UBE3C: variants seen among roughly 807,000 people sequenced by gnomAD.
The protein encoded by UBE3C is ubiquitin-protein ligase E3C.
A neutral mutation model predicts 129.4 loss-of-function variants in UBE3C; 42 were observed. The observed-to-expected ratio is 0.32, with a 90% CI of 0.25 to 0.42. The LOEUF is 0.42. Ranked by LOEUF, UBE3C falls within the 10% of genes least tolerant of loss-of-function variation. The pLI is 1.00. For synonymous variants in UBE3C, 510 were observed against 492.4 expected (o/e 1.04, Z -0.47); for missense variants, 1,049 against 1,319.1 (o/e 0.80, Z 3.17).
intron 10 of UBE3C, among the ~76,000 whole-genome samples, chr7:157,195,995 T>TTCC (rs1809109097): frequency 6.6e-6 from 1 of 152,090 alleles, no homozygotes; most frequent in Non-Finnish European, 1.5e-5. Flanking sequence ...GTAATTAAGG[T>TTCC]TACTATGGAT....
At chr7:157,210,157 G>A (rs2006844) in intron 13 of UBE3C, among the ~76,000 whole-genome samples, 72,275 of 151,972 alleles carry the variant, frequency 0.48, 19,804 homozygotes, top group African/African-American at 0.77. Context: ...AGCCTGGGCG[G>A]TAGGGTGACT....
intron 22 of UBE3C, 110 bp from the exon 23 acceptor site, chr7:157,267,475 G>A (rs1797111114): frequency 1.5e-6 from 2 of 1,307,074 alleles, no homozygotes; most frequent in Non-Finnish European, 2.1e-6. Flanking sequence ...AAATGTGACT[G>A]CAATGGTAAC....
chr7:157,205,357 A>G (rs970722658), intron 11 of UBE3C, among the ~76,000 whole-genome samples: 1 of 151,904 alleles, frequency 6.6e-6, no homozygotes, highest in Non-Finnish European at 1.5e-5. Context: ...TGGACCCAAT[A>G]TAAGAATTTT....
At chr7:157,170,132 T>C (rs897787927) in intron 3 of UBE3C, among the ~76,000 whole-genome samples, 172 bp from the exon 4 acceptor site, 2 of 151,878 alleles carry the variant, frequency 1.3e-5, no homozygotes, top group African/African-American at 2.4e-5. Context: ...TTTTTTTTTT[T>C]TTCTTTTTAA....
At chr7:157,213,317 A>G (rs116051096) in intron 13 of UBE3C, among the ~76,000 whole-genome samples, 1 of 152,216 alleles carries the variant, frequency 6.6e-6, no homozygotes, top group Non-Finnish European at 1.5e-5. Context: ...AGTCGTAACT[A>G]CCTATCAGAG....
chr7:157,260,129 C>G (rs1278808148), intron 22 of UBE3C, among the ~76,000 whole-genome samples: 1 of 131,066 alleles, frequency 7.6e-6, no homozygotes, highest in Non-Finnish European at 1.6e-5. Context: ...AAAAAATAAC[C>G]ATGCAAATAA....
intron 14 of UBE3C, 112 bp from the exon 15 acceptor site, chr7:157,220,577 A>C: frequency 8.3e-7 from 1 of 1,210,276 alleles, no homozygotes. Flanking sequence ...GGTCAGAGAG[A>C]GGGCCCAGCC....
At chr7:157,223,868 C>T (rs959788185) in intron 16 of UBE3C, among the ~76,000 whole-genome samples, 17 of 152,132 alleles carry the variant, frequency 1.1e-4, no homozygotes, top group African/African-American at 3.9e-4. Flanking sequence ...TGCAGTGAGC[C>T]AAGATCGTGC....
At chr7:157,207,979 G>C (rs201918557) in intron 13 of UBE3C, 44 bp downstream of exon 13, 1 of 1,125,676 alleles carries the variant, frequency 8.9e-7, no homozygotes, top group Non-Finnish European at 1.1e-6. Flanking sequence ...ATTGAAAAAT[G>C]TACAAACTTT....
intron 14 of UBE3C, chr7:157,217,250 AT>A (rs1795606359): frequency 7.8e-6 from 2 of 257,088 alleles, no homozygotes; most frequent in Admixed American, 1.1e-4. Context: ...AGGTTGAAAA[AT>A]ATTTTGCTTT....
At position 157,142,182 on chromosome 7, in the gene UBE3C, A is replaced by G. The variant is rs151038302; in HGVS notation, c.66+2844A>G. Among the ~76,000 whole-genome samples, 294 of 152,318 alleles carry G rather than the reference A, an allele frequency of 1.9e-3. 3 individuals are homozygous for G. The highest frequency in any genetic ancestry group is 6.5e-3 in the African/African-American group (269 of 41,568). On this transcript the variant is annotated intron_variant, in intron 1 of 22. Coordinates refer to ENST00000348165, the MANE Select transcript of UBE3C (RefSeq NM_014671.3). ...TTCCTGAATTCTCTTTGACTGCCGC[A>G]TAAGTCCCTTCCCTTGTTGGAAAAA... is the stretch of plus-strand genomic sequence containing the variant.
In UBE3C at chr7:157,223,692, G is replaced by A. The variant is rs561644772; in HGVS notation, c.2100+341G>A. On this transcript the variant is annotated intron_variant, in intron 16 of 22. Transcript: ENST00000348165. The stretch of plus-strand genomic sequence containing the variant: ...TAATCCCAGCACTTTGGGAGGCCGA[G>A]GCAGGTGGATCGAGCCCATGAGTTT... Among the ~76,000 whole-genome samples, 3 of 152,288 alleles carry A rather than the reference G, an allele frequency of 2.0e-5. No individual in the cohort carries two copies. In the East Asian group the frequency reaches 5.8e-4, roughly 29 times the overall value.
chr7:157,214,230 T>C (rs887513729), intron 13 of UBE3C, among the ~76,000 whole-genome samples: 1 of 152,200 alleles, frequency 6.6e-6, no homozygotes, highest in African/African-American at 2.4e-5. Context: ...ATACACTATA[T>C]TGAAATTTTT....
At chr7:157,145,549 T>TATTC (rs1807582321) in intron 1 of UBE3C, among the ~76,000 whole-genome samples, 1 of 152,132 alleles carries the variant, frequency 6.6e-6, no homozygotes, top group African/African-American at 2.4e-5. Flanking sequence ...CCTCATTGCA[T>TATTC]ATTCATCCAT....
chr7:157,254,595 G>C (rs1022614119), intron 21 of UBE3C, among the ~76,000 whole-genome samples: 1 of 151,708 alleles, frequency 6.6e-6, no homozygotes, highest in East Asian at 1.9e-4. Flanking sequence ...ACAGGGTTTT[G>C]CCATGTTGGC....
intron 13 of UBE3C, among the ~76,000 whole-genome samples, chr7:157,213,112 CATTT>C (rs1489322445): frequency 5.3e-5 from 8 of 152,188 alleles, no homozygotes; most frequent in Non-Finnish European, 1.0e-4. Flanking sequence ...TTAGTTTCTG[CATTT>C]ATTTAATGTA....
In UBE3C at chr7:157,154,838, C is replaced by G. The variant is rs1174182726; in HGVS notation, c.67-8972C>G. On this transcript the variant is annotated intron_variant, in intron 1 of 22. Coordinates refer to ENST00000348165, the MANE Select transcript of UBE3C (RefSeq NM_014671.3). ...CAGACTTTATTTTTAAAAATGAGCT[C>G]TTGTGATTGTAAAATAATATTTATA... Among the ~76,000 whole-genome samples the G allele has an allele frequency of 2.6e-5, 4 of 152,174 alleles. No homozygotes were observed. The East Asian group carries it at 7.7e-4, about 29-fold the overall frequency.
At chr7:157,185,495 C>T (rs1203500182) in intron 9 of UBE3C, among the ~76,000 whole-genome samples, 1 of 152,136 alleles carries the variant, frequency 6.6e-6, no homozygotes, top group East Asian at 1.9e-4. Flanking sequence ...CACATTTGGG[C>T]TGAGAACTAA....
intron 22 of UBE3C, among the ~76,000 whole-genome samples, chr7:157,261,312 A>G (rs1355337448): frequency 1.9e-4 from 12 of 63,196 alleles, no homozygotes; most frequent in African/African-American, 3.8e-4. Context: ...GTCTGAAAAA[A>G]AAAAAAAAAA....
Sources: allele counts gnomAD v4.1 joint callset (sites outside exome capture counted in the v4.1 genomes callset), GRCh38; gene constraint gnomAD v4.1.1; transcripts MANE v1.5; gene names NCBI Gene and HGNC (gene_info 2026-07-23, HGNC 2026-07-21).